ZNF615: variants seen among roughly 807,000 people sequenced by gnomAD.
The protein encoded by ZNF615 is zinc finger protein 615.
ZNF615 carries 15 observed loss-of-function variants against 15.3 expected under a neutral mutation model. That is an observed-to-expected ratio of 0.98 (90% confidence interval 0.66 to 1.51). The LOEUF (loss-of-function observed/expected upper bound fraction) is 1.51, where lower values mean the gene tolerates loss of function less well. Among genes scored for constraint, ZNF615 ranks in the 40% most tolerant of loss-of-function variants. The probability of loss-of-function intolerance (pLI) is 0.00; values close to 1 mark genes in which losing one functional copy is unlikely to be tolerated. For synonymous variants in ZNF615, 268 were observed against 294.6 expected, an observed-to-expected ratio of 0.91 and a Z score of 0.92; for missense variants, 848 against 895.9, an observed-to-expected ratio of 0.95 and a Z score of 0.68.
chr19:52,004,984 G>A (rs895976638), intron 2 of ZNF615: 4 of 152,162 alleles, frequency 2.6e-5, no homozygotes, highest in Non-Finnish European at 4.4e-5. Context: ...ATATAGGCCG[G>A]GTGCGGTGGC....
At chr19:52,003,956 T>C in intron 2 of ZNF615, 56 bp from the exon 3 acceptor site, 1 of 1,222,824 alleles carries the variant, frequency 8.2e-7, no homozygotes, top group East Asian at 3.0e-5. Flanking sequence ...ATGTTGTCAC[T>C]GTTCCTATAT....
At chr19:51,998,533 TA>T (rs1406135769) in intron 6 of ZNF615, among the ~76,000 whole-genome samples, 2 of 152,252 alleles carry the variant, frequency 1.3e-5, no homozygotes, top group African/African-American at 4.8e-5. Flanking sequence ...TATATCTGCT[TA>T]TTACTGGTTA....
At chr19:52,001,575 G>A (rs768144699) in intron 5 of ZNF615, among the ~76,000 whole-genome samples, 39 of 148,570 alleles carry the variant, frequency 2.6e-4, no homozygotes, top group South Asian at 6.3e-4. Flanking sequence ...CCAAGATTGC[G>A]CTACTGCTCT....
In ZNF615 at chr19:51,993,349, C is replaced by A. The variant is rs1321688162; in HGVS notation, c.1760G>T (p.Gly587Val). Residue 587 changes from glycine to valine, a missense_variant, in exon 7 of 7, where the codon GGC becomes GTC. Coordinates refer to ENST00000598071, the MANE Select transcript of ZNF615 (RefSeq NM_001199324.2). ...KPYVCSECGK[G>V]LTGKSMLIAH... ...AATGAGCATGCTTTTCCCAGTTAAG[C>A]CTTTGCCACATTCACTGCATACATA... The A allele has an allele frequency of 6.2e-7, 1 of 1,613,932 alleles. No individual in the cohort carries two copies. Among genetic ancestry groups the A allele is most frequent in the Admixed American group, 1.7e-5 (1 of 59,996 alleles).
chr19:52,002,389 T>A (rs199772073), intron 3 of ZNF615, 108 bp from the exon 4 acceptor site: 2 of 706,426 alleles, frequency 2.8e-6, no homozygotes, highest in Non-Finnish European at 3.5e-6. Flanking sequence ...GCTGGTGGGG[T>A]TTTTTTCTTA....
chr19:51,995,060 T>C (rs1423637423), intron 6 of ZNF615, among the ~76,000 whole-genome samples: 6 of 152,160 alleles, frequency 3.9e-5, no homozygotes, highest in Non-Finnish European at 7.4e-5. Context: ...GGCAGTTTTA[T>C]AGCATTTGGG....
chr19:52,004,452 G>A (rs2086691268), intron 2 of ZNF615: 1 of 151,708 alleles, frequency 6.6e-6, no homozygotes. Flanking sequence ...AGACTCCAGT[G>A]GCGTGATCTC....
At chr19:51,994,907 A>G (rs1344260811) in intron 6 of ZNF615, 70 bp from the exon 7 acceptor site, 14 of 1,422,422 alleles carry the variant, frequency 9.8e-6, no homozygotes, top group Non-Finnish European at 1.3e-5. Context: ...ACTATTTTTT[A>G]AAACTGCCTT....
In ZNF615 at chr19:51,994,426, G is replaced by A; in HGVS notation, c.683C>T (p.Ser228Phe). ...SECGKAFLKLSQFIDHQRVHT... is the reference protein window; with the variant it reads ...SECGKAFLKLFQFIDHQRVHT... ...AACTCTCTGATGATCAATAAACTGA[G>A]ACAACTTGAGGAAGGCTTTCCCACA... The change falls in exon 7 of 7, where the codon TCT becomes TTT. Residue 228 changes from serine to phenylalanine, a missense_variant. Coordinates refer to ENST00000598071, the MANE Select transcript of ZNF615 (RefSeq NM_001199324.2). 6.2e-7 allele frequency: 1 copy of A among 1,613,966 alleles called. No homozygotes were observed. Among genetic ancestry groups the A allele is most frequent in the East Asian group, 2.2e-5 (1 of 44,848 alleles).
intron 2 of ZNF615, chr19:52,004,629 C>G (rs4516337): frequency 0.42 from 63,247 of 151,790 alleles, 15,184 homozygotes; most frequent in African/African-American, 0.65. Flanking sequence ...CTGAGCTCAA[C>G]TGATCCACCC....
chr19:52,005,095 C>T (rs2086710818), intron 2 of ZNF615, among the ~76,000 whole-genome samples: 1 of 152,078 alleles, frequency 6.6e-6, no homozygotes, highest in Non-Finnish European at 1.5e-5. Context: ...CCCGTCTCTA[C>T]TAAAAATACA....
Position 51,993,839 on chromosome 19 carries a change from G to A in ZNF615, c.1270C>T (p.His424Tyr). The change falls in exon 7 of 7, where the codon CAC (histidine) becomes TAC (tyrosine). Residue 424 changes from histidine (H) to tyrosine (Y), a missense_variant. By Grantham distance (83) the His-to-Tyr change is moderately conservative (BLOSUM62 2). Transcript: ENST00000598071. ...SECGKGFSMKHCLMVHQRTHT... is the reference protein window; with the variant it reads ...SECGKGFSMKYCLMVHQRTHT... ...GTTCGTTGATGTACCATGAGACAGTGCTTCATTGAAAAGCCTTTTCCACAT... is the reference window on the plus strand; with the variant it reads ...GTTCGTTGATGTACCATGAGACAGTACTTCATTGAAAAGCCTTTTCCACAT... 6.2e-7 allele frequency: 1 copy of A among 1,613,722 alleles called. No homozygotes were observed. The highest frequency in any genetic ancestry group is 1.7e-4 in the Middle Eastern group (1 of 6,058).
chr19:52,003,648 A>C, intron 3 of ZNF615, 49 bp downstream of exon 3: 1 of 1,547,730 alleles, frequency 6.5e-7, no homozygotes, highest in South Asian at 1.2e-5. Flanking sequence ...ACAGGACTTT[A>C]AAAATACATT....
Position 51,992,909 on chromosome 19 carries a change from GGATA to G in ZNF615, c.2196_2199del (p.Ile733LeufsTer20). The G allele has an allele frequency of 6.2e-7, 1 of 1,614,114 alleles. No homozygotes were observed. Among genetic ancestry groups the G allele is most frequent in the Non-Finnish European group, 8.5e-7 (1 of 1,180,000 alleles). On this transcript the variant is annotated frameshift_variant, in exon 7 of 7. Transcript: ENST00000598071. LOFTEE classifies it low-confidence loss of function (END_TRUNC). ...CTGTGAATTCTCCTGTGTTTAACAA[GGATA>G]GACAAGTGCGCAAAAGCTTTCCCAC... is the stretch of plus-strand genomic sequence containing the variant.
At chr19:52,005,777 T>C (rs1376803172) in intron 2 of ZNF615, among the ~76,000 whole-genome samples, 2 of 152,248 alleles carry the variant, frequency 1.3e-5, no homozygotes, top group South Asian at 2.1e-4. Context: ...AATGGCAGAG[T>C]TGAGAATTTG....
chr19:51,999,610 A>ATG (rs1226227856), intron 6 of ZNF615, among the ~76,000 whole-genome samples: 1 of 152,242 alleles, frequency 6.6e-6, no homozygotes, highest in Non-Finnish European at 1.5e-5. Context: ...ATCATGTGAT[A>ATG]TGTGCATTGT....
At chr19:52,002,324 G>C (rs200332866) in intron 3 of ZNF615, 43 bp from the exon 4 acceptor site, 474 of 1,612,536 alleles carry the variant, frequency 2.9e-4, no homozygotes, top group Middle Eastern at 5.0e-4. Flanking sequence ...TATTCTTTTG[G>C]TGATAGGAAA....
rs1326237114 is a variant in ZNF615, at chr19:51,993,285, T to C, written c.1824A>G (p.Ile608Met). The change falls in exon 7 of 7, where the codon ATA (isoleucine) becomes ATG (methionine). Residue 608 changes from isoleucine (I) to methionine (M), a missense_variant. Transcript: ENST00000598071. The part of the protein sequence containing the change: ...QRTHTGEKPY[I>M]CNECGKGFTM... ...TGAAGCCCTTTCCACATTCATTGCATATATAAGGTTTCTCCCCAGTATGAG... is the reference window on the plus strand; with the variant it reads ...TGAAGCCCTTTCCACATTCATTGCACATATAAGGTTTCTCCCCAGTATGAG... The C allele has an allele frequency of 3.1e-6, 5 of 1,614,010 alleles. No individual in the cohort carries two copies. Among genetic ancestry groups the C allele is most frequent in the Non-Finnish European group, 4.2e-6 (5 of 1,180,026 alleles).
rs760811599 is a variant in ZNF615 at position 51,994,798 on chromosome 19, T to C, written c.311A>G (p.Gln104Arg). 6 of 1,602,904 alleles carry C rather than the reference T, an allele frequency of 3.7e-6. No individual in the cohort carries two copies. In the African/African-American group the frequency reaches 5.4e-5, roughly 14 times the overall value. Reference protein sequence around the residue: ...KIDDPLQHHLQNQSIQKSVKQ... With the variant: ...KIDDPLQHHLRNQSIQKSVKQ... Reference sequence around the variant, plus strand: ...CACACTCTTCTGAATACTTTGATTTTGCAAGTGATGCTGCAGAGGATCATC... The same window carrying C: ...CACACTCTTCTGAATACTTTGATTTCGCAAGTGATGCTGCAGAGGATCATC... The change falls in exon 7 of 7, where the codon CAA becomes CGA. Residue 104 changes from glutamine to arginine, a missense_variant. Coordinates refer to ENST00000598071, the MANE Select transcript of ZNF615 (RefSeq NM_001199324.2).
Sources: allele counts gnomAD v4.1 joint callset (sites outside exome capture counted in the v4.1 genomes callset), GRCh38; gene constraint gnomAD v4.1.1; transcripts MANE v1.5; gene names NCBI Gene and HGNC (gene_info 2026-07-23, HGNC 2026-07-21).